Variants in CBLC observed in about 807,000 individuals in gnomAD.
The protein encoded by CBLC is Cbl proto-oncogene C, also known as E3 ubiquitin-protein ligase CBL-C.
In CBLC, 46 loss-of-function variants were observed where a neutral mutation model predicts 58.6. That is an observed-to-expected ratio of 0.79 (90% confidence interval 0.62 to 1.00). The LOEUF (loss-of-function observed/expected upper bound fraction) is 1.00, where lower values mean the gene tolerates loss of function less well. Ranked by LOEUF, CBLC falls within the 50% of genes least tolerant of loss-of-function variation. CBLC has a pLI of 0.00. For synonymous variants in CBLC, 271 were observed against 264.2 expected, an observed-to-expected ratio of 1.03 and a Z score of -0.25; for missense variants, 655 against 625.8, an observed-to-expected ratio of 1.05 and a Z score of -0.50.
In CBLC at chr19:44,796,084, G is replaced by A. The variant is rs148324586; in HGVS notation, c.1362+1803G>A. 6.4e-3 allele frequency among the ~76,000 whole-genome samples: 979 copies of A among 152,102 alleles called. 10 individuals are homozygous for A. Among genetic ancestry groups the A allele is most frequent in the South Asian group, 0.032 (155 of 4,816 alleles). On this transcript the variant is annotated intron_variant, in intron 9 of 10. Transcript: ENST00000647358. ...GCAAAAATTAGCTGGGCGTGGTGGC[G>A]CACACCTGTAATCCCAGCTACTTGG...
rs568026253 is a variant in CBLC at position 44,780,683 on chromosome 19, G to A, written c.354-222G>A. Among the ~76,000 whole-genome samples, 15 of 151,438 alleles carry A rather than the reference G, an allele frequency of 9.9e-5. 1 individual carries two copies. The South Asian group carries it at 3.1e-3, about 32-fold the overall frequency. On this transcript the variant is annotated intron_variant, in intron 1 of 10. Transcript: ENST00000647358. ...AGACAGGGTTTCACCATGTTGGCCA[G>A]GTTGGTCCCAAACTCCTGACTTCAA...
rs1401164342 is a variant in CBLC, at chr19:44,778,233, G to C, written c.302G>C (p.Arg101Pro). ...CAGGTGGCCGCGCTGCTGCCTCCCC[G>C]GGGCCGAAGGAGTGCCAACGACGAG... ...SRQVAALLPP[R>P]GRRSANDELF... is the part of the protein sequence containing the mutation. The change falls in exon 1 of 11, where the codon CGG (arginine) becomes CCG (proline). Residue 101 changes from arginine (R) to proline (P), a missense_variant. By Grantham distance (103) the Arg-to-Pro change is moderately radical. Around this residue, in one of 3 missense-constraint regions of CBLC, gnomAD observed 280 missense variants for 237.2 expected, o/e 1.18. Transcript: ENST00000647358. The C allele has an allele frequency of 1.4e-6, 2 of 1,459,664 alleles. No individual in the cohort carries two copies. Among genetic ancestry groups the C allele is most frequent in the Non-Finnish European group, 1.8e-6 (2 of 1,107,914 alleles). 90.4% of individuals were successfully genotyped at this position (1,459,664 alleles called of 1,614,324 possible).
At chr19:44,796,354 C>T (rs764415310) in intron 9 of CBLC, among the ~76,000 whole-genome samples, 11 of 152,140 alleles carry the variant, frequency 7.2e-5, no homozygotes, top group Non-Finnish European at 1.5e-4. Flanking sequence ...GCCCCCAAAC[C>T]ATCTACTTAT....
intron 4 of CBLC, among the ~76,000 whole-genome samples, chr19:44,783,625 G>A (rs1967807766): frequency 6.6e-6 from 1 of 152,134 alleles, no homozygotes. Context: ...AGGTTGCAGT[G>A]AGCCAGGATC....
At position 44,777,993 on chromosome 19, in the gene CBLC, C is replaced by T; in HGVS notation, c.62C>T (p.Ala21Val). 2 of 1,608,068 alleles carry T rather than the reference C, an allele frequency of 1.2e-6. No individual in the cohort carries two copies. Among genetic ancestry groups the T allele is most frequent in the Non-Finnish European group, 1.7e-6 (2 of 1,179,286 alleles). Residue 21 changes from alanine to valine, a missense_variant, in exon 1 of 11, where the codon GCA (alanine) becomes GTA (valine). Physicochemically the swap from Ala to Val is moderately conservative, Grantham distance 64. Transcript: ENST00000647358. ...QWEEARALGRAVRMLQRLEEQ... is the reference protein window; with the variant it reads ...QWEEARALGRVVRMLQRLEEQ... ...GAAGAGGCCCGCGCCCTGGGCCGGG[C>T]AGTCAGGATGCTGCAGCGCCTAGAA...
Position 44,793,598 on chromosome 19 carries a change from G to T in CBLC, c.1262G>T (p.Gly421Val). ...TCAGGGAACAGCAGTGACCAGGAAG[G>T]CAGGGAGTTGGAGCTGGGGCAGGTG... ...EDSGNSSDQEGRELELGQVPL... is the reference protein window; with the variant it reads ...EDSGNSSDQEVRELELGQVPL... The change falls in exon 8 of 11, where the codon GGC becomes GTC. Residue 421 changes from glycine (G) to valine (V), a missense_variant. Transcript: ENST00000647358. 4 of 1,605,466 alleles carry T rather than the reference G, an allele frequency of 2.5e-6. No homozygotes were observed. Among genetic ancestry groups the T allele is most frequent in the East Asian group, 4.5e-5 (2 of 44,592 alleles).
At chr19:44,787,134 C>T (rs539740300) in intron 5 of CBLC, among the ~76,000 whole-genome samples, 2 of 152,252 alleles carry the variant, frequency 1.3e-5, no homozygotes, top group African/African-American at 4.8e-5. Flanking sequence ...TGGCTCACGC[C>T]TGTAATCCCA....
At chr19:44,786,887 T>C (rs1967922603) in intron 5 of CBLC, among the ~76,000 whole-genome samples, 1 of 151,208 alleles carries the variant, frequency 6.6e-6, no homozygotes, top group Non-Finnish European at 1.5e-5. Context: ...GGCAGATCAC[T>C]TGAGATCAGG....
chr19:44,779,461 C>T (rs1356037631), intron 1 of CBLC, among the ~76,000 whole-genome samples: 1 of 152,122 alleles, frequency 6.6e-6, no homozygotes, highest in African/African-American at 2.4e-5. Flanking sequence ...CTCAGAGTGA[C>T]CAGGCAGATG....
At chr19:44,781,436 G>T in intron 3 of CBLC, 73 bp downstream of exon 3, 18 of 1,474,766 alleles carry the variant, frequency 1.2e-5, no homozygotes, top group Non-Finnish European at 1.6e-5. Flanking sequence ...TGGATTCCTG[G>T]GTCTGAGGGA....
chr19:44,792,534 C>A lies in CBLC; in HGVS notation c.1137+20C>A, dbSNP rs1172265457. 4 of 1,564,296 alleles carry A rather than the reference C, an allele frequency of 2.6e-6. No individual in the cohort carries two copies. In the East Asian group the frequency reaches 7.0e-5, roughly 28 times the overall value. On this transcript the variant is annotated intron_variant, in intron 7 of 10. Transcript: ENST00000647358. ...TGGCAGGTGGGTCTGACCCCTGTGG[C>A]GCCTTCCCCTCTGGTCTCCCCCTCT...
intron 1 of CBLC, 94 bp from the exon 2 acceptor site, chr19:44,780,810 CA>C: frequency 7.6e-7 from 1 of 1,323,412 alleles, no homozygotes; most frequent in Non-Finnish European, 1.1e-6. Flanking sequence ...AGATAGAGTC[CA>C]GAGCCTTATC....
intron 1 of CBLC, among the ~76,000 whole-genome samples, chr19:44,778,815 G>C (rs536179904): frequency 4.6e-4 from 23 of 50,186 alleles, no homozygotes; most frequent in Admixed American, 1.0e-3. Context: ...CCAGGCCCCA[G>C]CCCCTCCTCC....
intron 9 of CBLC, among the ~76,000 whole-genome samples, chr19:44,795,942 G>A (rs76560105): frequency 6.6e-6 from 1 of 152,112 alleles, no homozygotes; most frequent in Non-Finnish European, 1.5e-5. Flanking sequence ...CCGGCTGGGC[G>A]CGGTGGCTTA....
At chr19:44,791,996 C>CTT (rs113106418) in intron 6 of CBLC, among the ~76,000 whole-genome samples, 5 of 141,204 alleles carry the variant, frequency 3.5e-5, no homozygotes, top group African/African-American at 1.0e-4. Flanking sequence ...TTCTTTCTTT[C>CTT]TTTTTTTTTT....
chr19:44,796,516 C>A (rs1324874481), intron 9 of CBLC, among the ~76,000 whole-genome samples: 1 of 151,972 alleles, frequency 6.6e-6, no homozygotes, highest in Non-Finnish European at 1.5e-5. Context: ...TCCTGAGTAG[C>A]TGGGATTACA....
At chr19:44,781,153 ATC>A in intron 2 of CBLC, 52 bp from the exon 3 acceptor site, 1 of 1,579,728 alleles carries the variant, frequency 6.3e-7, no homozygotes, top group South Asian at 1.2e-5. Context: ...AGACCCTCCC[ATC>A]ATAGGCTCTG....
chr19:44,790,463 A>G (rs371120660), intron 6 of CBLC, among the ~76,000 whole-genome samples: 2 of 151,902 alleles, frequency 1.3e-5, no homozygotes, highest in South Asian at 4.2e-4. Flanking sequence ...TAGAGACAGA[A>G]TCTCTTCTGT....
At chr19:44,778,406 A>C in intron 1 of CBLC, 122 bp downstream of exon 1, 1 of 855,968 alleles carries the variant, frequency 1.2e-6, no homozygotes, top group Non-Finnish European at 1.5e-6. Flanking sequence ...CCAGGAACTC[A>C]GGCCCCCACC....
Sources: allele counts gnomAD v4.1 joint callset (sites outside exome capture counted in the v4.1 genomes callset), GRCh38; gene constraint gnomAD v4.1.1; regional missense constraint gnomAD v4.1.1; transcripts MANE v1.5; gene names NCBI Gene and HGNC (gene_info 2026-07-23, HGNC 2026-07-21).